Variants in VTI1A observed in about 807,000 individuals in gnomAD.
VTI1A encodes vesicle transport through interaction with t-SNAREs 1A.
VTI1A carries 22 observed loss-of-function variants against 34.9 expected under a neutral mutation model. The ratio of observed to expected loss-of-function variants is 0.63; its 90% CI spans 0.45 to 0.90. VTI1A has a LOEUF of 0.90. VTI1A is among the 40% of genes least tolerant of loss of function. The pLI, the probability that VTI1A is intolerant of heterozygous loss-of-function variation, is 0.00. For synonymous variants in VTI1A, 87 were observed against 97.3 expected (o/e 0.89, Z 0.62); for missense variants, 268 against 275.6 (o/e 0.97, Z 0.20).
At chr10:112,810,401 CAAAAA>C (rs55966805) in intron 7 of VTI1A, among the ~76,000 whole-genome samples, 1 of 89,402 alleles carries the variant, frequency 1.1e-5, no homozygotes. Flanking sequence ...GACTCCATCT[CAAAAA>C]AAAAAAAAAA....
At chr10:112,813,050 G>A (rs756310829) in intron 7 of VTI1A, among the ~76,000 whole-genome samples, 15 of 152,126 alleles carry the variant, frequency 9.9e-5, no homozygotes, top group Non-Finnish European at 2.1e-4. Context: ...TGTGTGCAAC[G>A]CGACTGTGCC....
At chr10:112,715,386 C>G (rs1849571076) in intron 7 of VTI1A, among the ~76,000 whole-genome samples, 1 of 151,974 alleles carries the variant, frequency 6.6e-6, no homozygotes, top group African/African-American at 2.4e-5. Context: ...CACAGTTTTA[C>G]AGAAAAAAAA....
intron 7 of VTI1A, among the ~76,000 whole-genome samples, chr10:112,765,130 A>G (rs1851601493): frequency 1.3e-5 from 2 of 152,258 alleles, no homozygotes; most frequent in Non-Finnish European, 2.9e-5. Flanking sequence ...CTAGTTTACT[A>G]ATTGAATTTG....
At chr10:112,487,882 T>G (rs1279095912) in intron 3 of VTI1A, among the ~76,000 whole-genome samples, 2 of 152,230 alleles carry the variant, frequency 1.3e-5, no homozygotes, top group Non-Finnish European at 2.9e-5. Context: ...TTGGTAGTAG[T>G]TAATAGGTAT....
At chr10:112,488,810 A>G (rs987818716) in intron 3 of VTI1A, among the ~76,000 whole-genome samples, 3 of 152,218 alleles carry the variant, frequency 2.0e-5, no homozygotes, top group African/African-American at 7.2e-5. Context: ...TATACCATGA[A>G]AGGAAGCACT....
intron 7 of VTI1A, among the ~76,000 whole-genome samples, chr10:112,744,547 C>T (rs962623414): frequency 4.7e-5 from 7 of 149,432 alleles, no homozygotes; most frequent in Admixed American, 1.3e-4. Context: ...CAGGCTCAAG[C>T]GATCTTCCCA....
chr10:112,787,632 A>T (rs1407419344), intron 7 of VTI1A, among the ~76,000 whole-genome samples: 2 of 151,702 alleles, frequency 1.3e-5, no homozygotes, highest in African/African-American at 4.8e-5. Context: ...ATTCTTTAGA[A>T]ATGTGTTACT....
At chr10:112,700,131 A>C (rs57667343) in intron 7 of VTI1A, among the ~76,000 whole-genome samples, 6,136 of 139,962 alleles carry the variant, frequency 0.044, 199 homozygotes, top group African/African-American at 0.091. Flanking sequence ...AAAAAAAAAA[A>C]AAAACAAAAC....
intron 5 of VTI1A, among the ~76,000 whole-genome samples, chr10:112,601,089 T>A (rs1844858130): frequency 6.6e-6 from 1 of 152,224 alleles, no homozygotes; most frequent in Admixed American, 6.5e-5. Flanking sequence ...GGGAGCACTG[T>A]ATCCAGTTGC....
At position 112,818,720 on chromosome 10, in the gene VTI1A, G is replaced by C. The variant is rs1209852917; in HGVS notation, c.*3337G>C. 1 of 197,964 alleles carries C rather than the reference G, an allele frequency of 5.1e-6. No homozygotes were observed. The highest frequency in any genetic ancestry group is 1.0e-5 in the Non-Finnish European group (1 of 95,634). The allele number at this position is 197,964 out of a possible 1,614,324, so 12.3% of individuals were successfully genotyped here. A position where few individuals can be genotyped will look rare whatever the true frequency, so the allele number is the denominator to read the frequency against. On this transcript the variant is annotated 3_prime_UTR_variant, in exon 8 of 8. Coordinates refer to ENST00000393077, the MANE Select transcript of VTI1A (RefSeq NM_145206.4). ...CCACCATTACGTTCATTAACAAATT[G>C]CATTAAACAACTGTTAAGGGCTAAT...
the VTI1A span, among the ~76,000 whole-genome samples, chr10:112,842,631 T>C: frequency 1.3e-5 from 2 of 152,256 alleles, no homozygotes; most frequent in Non-Finnish European, 2.9e-5. Flanking sequence ...CTCCAAATTC[T>C]ATGATGCTAT....
At chr10:112,573,771 C>T (rs1852226635) in intron 5 of VTI1A, among the ~76,000 whole-genome samples, 1 of 152,164 alleles carries the variant, frequency 6.6e-6, no homozygotes, top group Admixed American at 6.5e-5. Context: ...GAAAGCCGTT[C>T]AGAACAGCAA....
chr10:112,526,990 T>C, intron 3 of VTI1A, 97 bp from the exon 4 acceptor site: 1 of 1,151,750 alleles, frequency 8.7e-7, no homozygotes, highest in Non-Finnish European at 1.3e-6. Context: ...ATTAGGGGGC[T>C]CTCGAGGTTT....
At chr10:112,632,267 C>T (rs141037935) in intron 5 of VTI1A, among the ~76,000 whole-genome samples, 2 of 152,196 alleles carry the variant, frequency 1.3e-5, no homozygotes, top group South Asian at 2.1e-4. Context: ...AGGTGCACAC[C>T]CTATTTATAA....
At chr10:112,458,230 T>C (rs1178262662) in intron 1 of VTI1A, among the ~76,000 whole-genome samples, 1 of 152,206 alleles carries the variant, frequency 6.6e-6, no homozygotes, top group Non-Finnish European at 1.5e-5. Flanking sequence ...ACTGAATACC[T>C]TAAAGAGAAC....
chr10:112,682,693 T>A (rs1848257959), intron 7 of VTI1A, among the ~76,000 whole-genome samples: 1 of 152,250 alleles, frequency 6.6e-6, no homozygotes, highest in Non-Finnish European at 1.5e-5. Flanking sequence ...AGATTCTGGA[T>A]GAACATTAGC....
At chr10:112,752,604 C>A (rs557262603) in intron 7 of VTI1A, 1 of 984,130 alleles carries the variant, frequency 1.0e-6, no homozygotes, top group Non-Finnish European at 1.2e-6. Flanking sequence ...TTTCTTTCTG[C>A]TGTGGCTGCC....
intron 3 of VTI1A, among the ~76,000 whole-genome samples, chr10:112,497,647 A>G: frequency 6.6e-6 from 1 of 152,214 alleles, no homozygotes; most frequent in East Asian, 1.9e-4. Flanking sequence ...AGTAAAATAT[A>G]ATCTAAATTA....
chr10:112,621,934 G>A lies in VTI1A; in HGVS notation c.428-46284G>A, dbSNP rs144209609. 5.8e-3 allele frequency among the ~76,000 whole-genome samples: 877 copies of A among 152,224 alleles called. 17 individuals carry two copies. Among genetic ancestry groups the A allele is most frequent in the African/African-American group, 0.02 (848 of 41,526 alleles). On this transcript the variant is annotated intron_variant, in intron 5 of 7. Coordinates refer to ENST00000393077, the MANE Select transcript of VTI1A (RefSeq NM_145206.4). The stretch of plus-strand genomic sequence containing the variant: ...GCATCTGTCCACCGTCCTTGGCTCC[G>A]TAGTATCACCGGGTGCTTCTTTACT...
Sources: gnomAD v4.1 joint callset for allele counts (sites outside exome capture counted in the v4.1 genomes callset) on GRCh38, gnomAD v4.1.1 for gene constraint, MANE v1.5 for transcripts, NCBI Gene and HGNC (gene_info 2026-07-23, HGNC 2026-07-21) for gene names.